The following SVIL variants were observed in gnomAD, a reference collection of about 807,000 sequenced individuals.
SVIL encodes supervillin, also known as archvillin.
Under a neutral mutation model 240.4 loss-of-function variants are expected in SVIL, and 101 were observed. That is an observed-to-expected ratio of 0.42 (90% CI 0.36 to 0.50). SVIL has a LOEUF of 0.50. Among genes scored for constraint, SVIL ranks in the 20% least tolerant of loss-of-function variants. The pLI, the probability that SVIL is intolerant of heterozygous loss-of-function variation, is 0.01. For missense variants in SVIL, 2,512 were observed against 2,818.7 expected (o/e 0.89, Z 2.46); for synonymous variants, 999 against 1,100.0 (o/e 0.91, Z 1.82).
intron 34 of SVIL, among the ~76,000 whole-genome samples, chr10:29,465,203 T>C (rs7097463): frequency 1 from 151,509 of 152,268 alleles, 75,378 homozygotes; most frequent in East Asian, 1. Flanking sequence ...TTCCTTCCCC[T>C]TTCTTTCTCT....
chr10:29,521,073 A>T (rs1194822869), intron 16 of SVIL, among the ~76,000 whole-genome samples: 3 of 151,894 alleles, frequency 2.0e-5, no homozygotes, highest in Non-Finnish European at 4.4e-5. Context: ...AATACAAAAA[A>T]TTAGCTGGGT....
chr10:29,501,141 C>A lies in SVIL; in HGVS notation c.3517-1878G>T, dbSNP rs577676554. Among the ~76,000 whole-genome samples, 4 of 151,316 alleles carry A rather than the reference C, an allele frequency of 2.6e-5. No individual in the cohort carries two copies. The South Asian group carries it at 6.3e-4, about 24-fold the overall frequency. The stretch of plus-strand genomic sequence containing the variant: ...TGCCAACTTAAATTAGGTTAAAAAC[C>A]TTTTCCTAAAGAGATATGACAACCA... On this transcript the variant is annotated intron_variant, in intron 17 of 37. Coordinates refer to ENST00000355867, the MANE Select transcript of SVIL (RefSeq NM_021738.3).
intron 1 of SVIL, among the ~76,000 whole-genome samples, chr10:29,605,811 C>G (rs910121449): frequency 2.7e-5 from 4 of 150,862 alleles, no homozygotes; most frequent in African/African-American, 9.7e-5. Context: ...TTTTATCAAT[C>G]TTTTCTTTCA....
rs758896761 is a variant in SVIL, at chr10:29,467,809, G to A, written c.5910C>T (p.Ser1970=). ...AGGCATCCCAGAATCCGAGTGGCTC[G>A]GAGCCTTCATCACACTCGTGTATTG... ...KVTIHECDEG[S]EPLGFWDALG... Residue 1970 remains serine, a synonymous_variant, in exon 33 of 38, where the codon TCC becomes TCT. Coordinates refer to ENST00000355867, the MANE Select transcript of SVIL (RefSeq NM_021738.3). 3.7e-6 allele frequency: 6 copies of A among 1,612,762 alleles called. No individual in the cohort carries two copies. Among genetic ancestry groups the A allele is most frequent in the Admixed American group, 1.7e-5 (1 of 59,770 alleles).
In SVIL at chr10:29,499,231, C is replaced by T. The variant is rs749110735; in HGVS notation, c.3549G>A (p.Thr1183=). Residue 1183 remains threonine, a synonymous_variant, in exon 18 of 38, where the codon ACG becomes ACA. Transcript: ENST00000355867. ...RVTESRESQM[T]IEERKQLITV... is the part of the protein sequence containing the mutation. ...TGATGAGCTGCTTCCTCTCCTCAAT[C>T]GTCATTTGGCTCTCTCGACTTTCTG... The T allele has an allele frequency of 1.2e-5, 20 of 1,614,228 alleles. No individual in the cohort carries two copies. Among genetic ancestry groups the T allele is most frequent in the South Asian group, 6.6e-5 (6 of 91,090 alleles).
At chr10:29,661,296 C>T (rs955320350) in intron 2 of SVIL, among the ~76,000 whole-genome samples, 2 of 152,070 alleles carry the variant, frequency 1.3e-5, no homozygotes, top group African/African-American at 4.8e-5. Context: ...AAAACCCCAC[C>T]ATCAACCAGC....
At chr10:29,529,015 A>T (rs1329634145) in intron 12 of SVIL, among the ~76,000 whole-genome samples, 1 of 151,816 alleles carries the variant, frequency 6.6e-6, no homozygotes, top group Non-Finnish European at 1.5e-5. Context: ...GTCTCTACTA[A>T]AAATACAAAA....
At chr10:29,577,518 C>CT (rs1284138812) in intron 1 of SVIL, among the ~76,000 whole-genome samples, 3 of 152,146 alleles carry the variant, frequency 2.0e-5, no homozygotes, top group Non-Finnish European at 2.9e-5. Context: ...TTATCTCATT[C>CT]TTTTTTTACG....
chr10:29,541,631 G>A lies in SVIL; in HGVS notation c.828-5562C>T, dbSNP rs574722012. The stretch of plus-strand genomic sequence containing the variant: ...CCGCAGCCCAGAAAGGAGGGAGGGA[G>A]GAGGTATGTGCAGAAAGCACAATTG... On this transcript the variant is annotated intron_variant, in intron 6 of 37. Transcript: ENST00000355867. Among the ~76,000 whole-genome samples, 7 of 152,294 alleles carry A rather than the reference G, an allele frequency of 4.6e-5. No homozygotes were observed. In the South Asian group the frequency reaches 1.4e-3, roughly 32 times the overall value.
intron 2 of SVIL, among the ~76,000 whole-genome samples, chr10:29,565,927 T>TA (rs1954926637): frequency 6.6e-6 from 1 of 152,124 alleles, no homozygotes; most frequent in Admixed American, 6.5e-5. Flanking sequence ...AAAAATATTT[T>TA]AAAAAATTAA....
intron 16 of SVIL, among the ~76,000 whole-genome samples, chr10:29,515,230 C>T (rs557883675): frequency 4.6e-5 from 7 of 152,154 alleles, no homozygotes; most frequent in Admixed American, 1.3e-4. Flanking sequence ...CTGTAATTCT[C>T]GAATGTTTAA....
chr10:29,645,918 G>A lies in SVIL; in HGVS notation c.-201+12051C>T, dbSNP rs534907259. ...AGAGAGAAAATAAATAAGCAAATAC[G>A]TTTTCAAACAACTATAGTTATTCAG... is the stretch of plus-strand genomic sequence containing the variant. On this transcript the variant is annotated intron_variant, in intron 3 of 35. Transcript: ENST00000375400. Among the ~76,000 whole-genome samples, 7 of 152,300 alleles carry A rather than the reference G, an allele frequency of 4.6e-5. No individual in the cohort carries two copies. The South Asian group carries it at 6.2e-4, about 14-fold the overall frequency.
intron 3 of SVIL, among the ~76,000 whole-genome samples, chr10:29,562,857 G>A (rs1954633989): frequency 6.6e-6 from 1 of 151,868 alleles, no homozygotes; most frequent in African/African-American, 2.4e-5. Flanking sequence ...GAGAAGAAAT[G>A]GGGGTATGGT....
chr10:29,484,702 C>T lies in SVIL; in HGVS notation c.4909G>A (p.Asp1637Asn). The change falls in exon 27 of 38, where the codon GAC becomes AAC. Residue 1637 changes from aspartate to asparagine, a missense_variant. Physicochemically the swap from Asp to Asn is conservative, Grantham distance 23 (BLOSUM62 1). This residue lies in a region of SVIL where 797 missense variants were observed against 925.3 expected (regional missense o/e 0.86). Coordinates refer to ENST00000355867, the MANE Select transcript of SVIL (RefSeq NM_021738.3). The surrounding 1 kb of genome is among the most constrained non-coding windows in gnomAD (Gnocchi z 4.7). The part of the protein sequence containing the change: ...WNGTFDYENC[D>N]INPLDPGECN... ...TCTCCAGGATCCAGGGGATTGATGTCACAGTTCTCATAGTCAAAGGTTCCA... is the reference window on the plus strand; with the variant it reads ...TCTCCAGGATCCAGGGGATTGATGTTACAGTTCTCATAGTCAAAGGTTCCA... The T allele has an allele frequency of 6.2e-7, 1 of 1,614,060 alleles. No homozygotes were observed. The highest frequency in any genetic ancestry group is 8.5e-7 in the Non-Finnish European group (1 of 1,179,970).
At chr10:29,465,549 G>C in intron 34 of SVIL, 46 bp downstream of exon 34, 1 of 1,543,572 alleles carries the variant, frequency 6.5e-7, no homozygotes, top group Non-Finnish European at 8.7e-7. Flanking sequence ...CTTTCTGGAA[G>C]ATGTGCCTTC....
chr10:29,611,626 T>C (rs1053028020), intron 1 of SVIL, among the ~76,000 whole-genome samples: 5 of 152,108 alleles, frequency 3.3e-5, no homozygotes, highest in Admixed American at 2.0e-4. Context: ...GAAGTCTGAA[T>C]TTAAGGGGTA....
chr10:29,474,783 A>C (rs545779822), intron 29 of SVIL, among the ~76,000 whole-genome samples: 2 of 152,340 alleles, frequency 1.3e-5, no homozygotes, highest in South Asian at 4.1e-4. Flanking sequence ...CTTTAAGCAC[A>C]AAGGAAAAAA....
chr10:29,636,189 TG>T (rs1958305950), upstream of SVIL, among the ~76,000 whole-genome samples: 1 of 152,118 alleles, frequency 6.6e-6, no homozygotes, highest in South Asian at 2.1e-4. Flanking sequence ...GTCCTGACCC[TG>T]ATCTTCTTTT....
chr10:29,699,387 T>C (rs1394280455), intron 1 of SVIL, among the ~76,000 whole-genome samples: 1 of 152,076 alleles, frequency 6.6e-6, no homozygotes, highest in Admixed American at 6.5e-5. Context: ...CTGCAACCTC[T>C]GCCTCCCTGG....
Sources: allele counts gnomAD v4.1 joint callset (sites outside exome capture counted in the v4.1 genomes callset), GRCh38; gene constraint gnomAD v4.1.1; regional missense constraint gnomAD v4.1.1; non-coding constraint Gnocchi (gnomAD v3.1); transcripts MANE v1.5; gene names NCBI Gene and HGNC (gene_info 2026-07-23, HGNC 2026-07-21).